FARP2: variants seen among roughly 807,000 people sequenced by gnomAD.
FARP2 encodes the protein FERM, ARHGEF and pleckstrin domain-containing protein 2.
Under a neutral mutation model 130.5 loss-of-function variants are expected in FARP2, and 111 were observed. The observed-to-expected ratio is 0.85, with a 90% confidence interval of 0.73 to 1.00. The LOEUF (loss-of-function observed/expected upper bound fraction) is 1.00, where lower values mean the gene tolerates loss of function less well. Among genes scored for constraint, FARP2 ranks in the 50% least tolerant of loss-of-function variants. The pLI, the probability that FARP2 is intolerant of heterozygous loss-of-function variation, is 0.00. For missense variants in FARP2, 1,385 were observed against 1,346.3 expected (o/e 1.03, Z -0.45); for synonymous variants, 504 against 516.9 (o/e 0.98, Z 0.34).
At chr2:241,454,807 ATGTT>A (rs1485336120) in intron 13 of FARP2, among the ~76,000 whole-genome samples, 1 of 152,242 alleles carries the variant, frequency 6.6e-6, no homozygotes, top group Non-Finnish European at 1.5e-5. Flanking sequence ...ATAGCAATGA[ATGTT>A]TCCTTGTGTT....
At chr2:241,453,182 T>C (rs2063713817) in intron 13 of FARP2, among the ~76,000 whole-genome samples, 1 of 148,800 alleles carries the variant, frequency 6.7e-6, no homozygotes, top group African/African-American at 2.5e-5. Flanking sequence ...ATACAAAAAT[T>C]AGCCGGGCAT....
intron 2 of FARP2, among the ~76,000 whole-genome samples, chr2:241,385,740 A>T (rs1292548891): frequency 6.6e-6 from 1 of 152,100 alleles, no homozygotes; most frequent in Non-Finnish European, 1.5e-5. Flanking sequence ...AGAAAAAAAA[A>T]TTTTAATTAC....
intron 2 of FARP2, among the ~76,000 whole-genome samples, chr2:241,384,175 T>G (rs1007856367): frequency 6.6e-6 from 1 of 152,078 alleles, no homozygotes; most frequent in East Asian, 1.9e-4. Flanking sequence ...CTTCGACTTC[T>G]GAACTTTTAT....
At chr2:241,416,547 C>G (rs1023652056) in intron 7 of FARP2, among the ~76,000 whole-genome samples, 3 of 152,036 alleles carry the variant, frequency 2.0e-5, no homozygotes, top group African/African-American at 7.3e-5. Context: ...CTTCAGTGAT[C>G]CACTGAAAAC....
rs546945869 is a variant in FARP2 at position 241,484,886 on chromosome 2, C to T, written c.2421+555C>T. On this transcript the variant is annotated intron_variant, in intron 21 of 26. Coordinates refer to ENST00000264042, the MANE Select transcript of FARP2 (RefSeq NM_014808.4). ...TATGTCCACTTGCCCTGAGCGTGTC[C>T]CTGCACTAGGCCTAGAACGGTACAG... 4.5e-4 allele frequency among the ~76,000 whole-genome samples: 69 copies of T among 152,236 alleles called. 1 individual carries two copies. Among genetic ancestry groups the T allele is most frequent in the African/African-American group, 1.6e-3 (67 of 41,516 alleles).
intron 1 of FARP2, among the ~76,000 whole-genome samples, chr2:241,359,338 C>G (rs530072327): frequency 1.3e-3 from 200 of 152,254 alleles, no homozygotes; most frequent in Admixed American, 2.3e-3. Context: ...CCCATCTTTC[C>G]CCTTCCCCGC....
intron 2 of FARP2, among the ~76,000 whole-genome samples, chr2:241,381,599 T>C (rs1268558800): frequency 1.3e-5 from 2 of 152,294 alleles, no homozygotes; most frequent in East Asian, 3.9e-4. Flanking sequence ...GGGGGCATTT[T>C]TCAGTCATAT....
intron 5 of FARP2, among the ~76,000 whole-genome samples, chr2:241,408,378 A>C (rs1412910429): frequency 6.6e-6 from 1 of 151,874 alleles, no homozygotes; most frequent in East Asian, 1.9e-4. Flanking sequence ...TCTCAAAAAA[A>C]AAAAAGAAAA....
chr2:241,466,697 C>CACCACCACCACCACCCGTA, intron 17 of FARP2: 1 of 676,628 alleles, frequency 1.5e-6, no homozygotes, highest in Non-Finnish European at 1.8e-6. Context: ...CCACCCCCCC[C>CACCACCACCACCACCCGTA]CCCACCACCA....
intron 2 of FARP2, among the ~76,000 whole-genome samples, chr2:241,391,896 A>G (rs1308928199): frequency 6.6e-6 from 1 of 152,234 alleles, no homozygotes; most frequent in African/African-American, 2.4e-5. Context: ...AGTAATTTGA[A>G]CAGGGAAATT....
chr2:241,399,873 G>C (rs962925626), intron 2 of FARP2, among the ~76,000 whole-genome samples: 2 of 152,152 alleles, frequency 1.3e-5, no homozygotes, highest in Admixed American at 1.3e-4. Flanking sequence ...ATTTTCACCT[G>C]TATGGATATG....
At chr2:241,372,411 A>C (rs2061444486) in intron 1 of FARP2, 1 of 152,036 alleles carries the variant, frequency 6.6e-6, no homozygotes, top group South Asian at 2.1e-4. Context: ...AGTGGCACCC[A>C]CTCCACCCTG....
intron 25 of FARP2, 102 bp from the exon 26 acceptor site, chr2:241,493,191 C>T (rs1398775404): frequency 1.8e-5 from 25 of 1,379,282 alleles, no homozygotes; most frequent in African/African-American, 7.1e-5. Context: ...TCCCTTGGCC[C>T]GTGGGCATTT....
rs79491073 is a variant in FARP2, at chr2:241,419,820, T to A, written c.771+1711T>A. Among the ~76,000 whole-genome samples, 28 of 152,318 alleles carry A rather than the reference T, an allele frequency of 1.8e-4. No individual in the cohort carries two copies. The East Asian group carries it at 4.8e-3, about 26-fold the overall frequency. ...ATTTTTTTATTTTTATCAGCCTTGT[T>A]TGTGATAGTAAAATTCTGGGAATTA... On this transcript the variant is annotated intron_variant, in intron 8 of 26. Coordinates refer to ENST00000264042, the MANE Select transcript of FARP2 (RefSeq NM_014808.4).
At chr2:241,474,089 G>A (rs1490779919) in intron 18 of FARP2, among the ~76,000 whole-genome samples, 2 of 150,644 alleles carry the variant, frequency 1.3e-5, no homozygotes, top group African/African-American at 4.9e-5. Flanking sequence ...GGCAGATCAC[G>A]AGGTCAGGAG....
At chr2:241,364,752 T>G (rs1559700786) in intron 1 of FARP2, among the ~76,000 whole-genome samples, 1 of 152,202 alleles carries the variant, frequency 6.6e-6, no homozygotes, top group Admixed American at 6.5e-5. Flanking sequence ...ATCAGTTTTT[T>G]GTTTGTTTTT....
intron 13 of FARP2, among the ~76,000 whole-genome samples, chr2:241,455,348 C>G (rs1426929785): frequency 6.6e-6 from 1 of 152,210 alleles, no homozygotes; most frequent in Non-Finnish European, 1.5e-5. Flanking sequence ...TGTTCAAACA[C>G]TGTACACTTG....
At chr2:241,480,161 C>T (rs949869648) in intron 19 of FARP2, among the ~76,000 whole-genome samples, 1 of 152,188 alleles carries the variant, frequency 6.6e-6, no homozygotes, top group Non-Finnish European at 1.5e-5. Flanking sequence ...GGGCACTGTG[C>T]AGACTGACCA....
At chr2:241,455,554 G>A (rs1332386600) in intron 13 of FARP2, among the ~76,000 whole-genome samples, 2 of 151,554 alleles carry the variant, frequency 1.3e-5, no homozygotes, top group Non-Finnish European at 1.5e-5. Context: ...CTAATTTTTT[G>A]TATTTTTAGT....
Sources: gnomAD v4.1 joint callset for allele counts (sites outside exome capture counted in the v4.1 genomes callset) on GRCh38, gnomAD v4.1.1 for gene constraint, MANE v1.5 for transcripts, NCBI Gene and HGNC (gene_info 2026-07-23, HGNC 2026-07-21) for gene names.